Variants in LMNTD1 observed in about 807,000 individuals in gnomAD.
LMNTD1 encodes lamin tail domain-containing protein 1.
LMNTD1 carries 35 observed loss-of-function variants against 50.9 expected under a neutral mutation model. The observed-to-expected ratio is 0.69, with a 90% CI of 0.53 to 0.91. The LOEUF (loss-of-function observed/expected upper bound fraction) is 0.91, where lower values mean the gene tolerates loss of function less well. Ranked by LOEUF, LMNTD1 falls within the 40% of genes least tolerant of loss-of-function variation. The probability of loss-of-function intolerance (pLI) is 0.00; values close to 1 mark genes in which losing one functional copy is unlikely to be tolerated. For synonymous variants in LMNTD1, 153 were observed against 161.9 expected (o/e 0.94, Z 0.42); for missense variants, 470 against 475.5 (o/e 0.99, Z 0.11).
At chr12:25,539,864 T>C (rs1299133594) in intron 4 of LMNTD1, among the ~76,000 whole-genome samples, 6 of 150,172 alleles carry the variant, frequency 4.0e-5, no homozygotes, top group Admixed American at 3.3e-4. Context: ...AAGAATCAAA[T>C]AGACGCAATA....
At chr12:25,595,187 C>G (rs1259906166) in intron 1 of LMNTD1, among the ~76,000 whole-genome samples, 1 of 152,016 alleles carries the variant, frequency 6.6e-6, no homozygotes, top group African/African-American at 2.4e-5. Flanking sequence ...AGAAAGTCAA[C>G]AAAGAAACAA....
rs149191306 is a variant in LMNTD1, at chr12:25,572,656, G to A, written c.59-26102C>T. ...AAATACCATGTGACATGAAGTAGAG[G>A]CAGTAAGACAATGGAAAATTAGAGG... is the stretch of plus-strand genomic sequence containing the variant. On this transcript the variant is annotated intron_variant, in intron 1 of 7. Transcript: ENST00000445693. Among the ~76,000 whole-genome samples, 326 of 152,174 alleles carry A rather than the reference G, an allele frequency of 2.1e-3. 1 individual carries two copies. Among genetic ancestry groups the A allele is most frequent in the African/African-American group, 7.5e-3 (313 of 41,518 alleles).
chr12:25,625,607 A>G (rs1165888552), intron 1 of LMNTD1, among the ~76,000 whole-genome samples: 1 of 152,124 alleles, frequency 6.6e-6, no homozygotes, highest in East Asian at 1.9e-4. Flanking sequence ...AAGTGCCTTC[A>G]GGTCCTGTGT....
At chr12:25,645,513 C>A (rs1252051728) in intron 1 of LMNTD1, among the ~76,000 whole-genome samples, 1 of 152,226 alleles carries the variant, frequency 6.6e-6, no homozygotes, top group East Asian at 1.9e-4. Flanking sequence ...ATCAAAGTAA[C>A]TGCTGAGCCC....
chr12:25,556,219 T>A (rs1944037638), upstream of LMNTD1, among the ~76,000 whole-genome samples: 1 of 152,150 alleles, frequency 6.6e-6, no homozygotes, highest in South Asian at 2.1e-4. Context: ...GTGATTTGCC[T>A]GCCTCGGCTT....
At chr12:25,609,660 A>T (rs967972564) in intron 1 of LMNTD1, among the ~76,000 whole-genome samples, 26 of 152,186 alleles carry the variant, frequency 1.7e-4, no homozygotes, top group Non-Finnish European at 3.4e-4. Flanking sequence ...GAGGCTGCAG[A>T]ATAGCAAATA....
chr12:25,531,163 T>G (rs1414479244), intron 4 of LMNTD1, among the ~76,000 whole-genome samples: 1 of 152,176 alleles, frequency 6.6e-6, no homozygotes, highest in Non-Finnish European at 1.5e-5. Flanking sequence ...GCAGATTTAT[T>G]TCAGTGTCCA....
intron 3 of LMNTD1, among the ~76,000 whole-genome samples, chr12:25,546,915 A>G (rs1943470225): frequency 6.6e-6 from 1 of 151,714 alleles, no homozygotes. Context: ...TGTTACATAT[A>G]AATATAGCCT....
Position 25,527,819 on chromosome 12 carries a change from C to G in LMNTD1, c.492-864G>C, listed in dbSNP as rs146494629. On this transcript the variant is annotated intron_variant, in intron 4 of 9. Transcript: ENST00000458174. ...ATATAGTTCTCCACAATTTCTTATC[C>G]ACAGTTCCAAAATCCAAAAAGCTCT... Among the ~76,000 whole-genome samples the G allele has an allele frequency of 6.4e-3, 955 of 149,558 alleles. 3 individuals carry two copies. Among genetic ancestry groups the G allele is most frequent in the South Asian group, 7.8e-3 (37 of 4,730 alleles).
At chr12:25,521,435 A>C (rs1199162090) in intron 6 of LMNTD1, among the ~76,000 whole-genome samples, 1 of 152,160 alleles carries the variant, frequency 6.6e-6, no homozygotes, top group Non-Finnish European at 1.5e-5. Context: ...TAAAAACTGA[A>C]CTATATAATG....
At position 25,586,815 on chromosome 12, in the gene LMNTD1, A is replaced by G. The variant is rs578259344; in HGVS notation, c.59-40261T>C. 9.2e-5 allele frequency among the ~76,000 whole-genome samples: 14 copies of G among 152,320 alleles called. No individual in the cohort carries two copies. In the East Asian group the frequency reaches 2.7e-3, roughly 29 times the overall value. On this transcript the variant is annotated intron_variant, in intron 1 of 7. Coordinates refer to the LMNTD1 transcript ENST00000445693. ...AGTTACTGTCAGTCAAGCCAATCCTAACACTTAGTGTATAGCTGATGACCT... is the reference window on the plus strand; with the variant it reads ...AGTTACTGTCAGTCAAGCCAATCCTGACACTTAGTGTATAGCTGATGACCT...
In LMNTD1 at chr12:25,598,096, C is replaced by A. The variant is rs116074372; in HGVS notation, c.58+50398G>T. Among the ~76,000 whole-genome samples, 1,238 of 152,160 alleles carry A rather than the reference C, an allele frequency of 8.1e-3. 5 individuals carry two copies. Among genetic ancestry groups the A allele is most frequent in the African/African-American group, 0.028 (1,165 of 41,520 alleles). ...CATGTAAGACAACCCATTGCCATTCCTTCGTCTTCTGCTATGATTGTGAGG... is the reference window on the plus strand; with the variant it reads ...CATGTAAGACAACCCATTGCCATTCATTCGTCTTCTGCTATGATTGTGAGG... On this transcript the variant is annotated intron_variant, in intron 1 of 7. Transcript: ENST00000445693.
chr12:25,516,195 C>T (rs562365629), intron 8 of LMNTD1, among the ~76,000 whole-genome samples: 1 of 152,020 alleles, frequency 6.6e-6, no homozygotes, highest in Non-Finnish European at 1.5e-5. Context: ...TCGTACAATT[C>T]TGATGTATAT....
chr12:25,553,083 A>G lies in LMNTD1; in HGVS notation c.-45T>C, dbSNP rs201381678. 55 of 1,613,590 alleles carry G rather than the reference A, an allele frequency of 3.4e-5. No individual in the cohort carries two copies. In the African/African-American group the frequency reaches 6.8e-4, roughly 20 times the overall value. ...AGTGACCTCACCTGTTAATCCAACTACCTTCAAGCATCAGCTAGGTTTAAT... is the reference window on the plus strand; with the variant it reads ...AGTGACCTCACCTGTTAATCCAACTGCCTTCAAGCATCAGCTAGGTTTAAT... On this transcript the variant is annotated 5_prime_UTR_variant, in exon 1 of 10. Coordinates refer to ENST00000458174, the MANE Select transcript of LMNTD1 (RefSeq NM_001145728.2).
At chr12:25,639,381 C>G (rs1477890809) in intron 1 of LMNTD1, among the ~76,000 whole-genome samples, 2 of 152,074 alleles carry the variant, frequency 1.3e-5, no homozygotes. Flanking sequence ...GAAGAGACAA[C>G]TCACAGAATT....
rs796287984 is a variant in LMNTD1, at chr12:25,510,136, A to AT, written c.1190-6337dup. On this transcript the variant is annotated intron_variant, in intron 8 of 9. Coordinates refer to ENST00000458174, the MANE Select transcript of LMNTD1 (RefSeq NM_001145728.2). ...TTTGTTCATGTTTTGATTGTTTCCAATTTTTTTTTACTTCTCTCTATAGCT... is the reference window on the plus strand; with the variant it reads ...TTTGTTCATGTTTTGATTGTTTCCAATTTTTTTTTTACTTCTCTCTATAGCT... Among the ~76,000 whole-genome samples the AT allele has an allele frequency of 5.4e-3, 808 of 151,002 alleles. 7 individuals carry two copies. Among genetic ancestry groups the AT allele is most frequent in the African/African-American group, 0.016 (651 of 41,250 alleles).
At chr12:25,521,450 T>C (rs1232528048) in intron 6 of LMNTD1, among the ~76,000 whole-genome samples, 3 of 152,284 alleles carry the variant, frequency 2.0e-5, no homozygotes, top group Non-Finnish European at 4.4e-5. Flanking sequence ...ATAATGCCAT[T>C]TACCTGTGTG....
At chr12:25,598,422 C>T (rs951807204) in intron 1 of LMNTD1, among the ~76,000 whole-genome samples, 3 of 151,814 alleles carry the variant, frequency 2.0e-5, no homozygotes, top group Admixed American at 1.3e-4. Context: ...TTTCAAATAA[C>T]TAGTCCAATG....
chr12:25,572,602 A>G (rs1944841368), intron 1 of LMNTD1, among the ~76,000 whole-genome samples: 1 of 152,196 alleles, frequency 6.6e-6, no homozygotes, highest in African/African-American at 2.4e-5. Flanking sequence ...GAAGGAATGA[A>G]AAAGGGAGAG....
Sources: allele counts gnomAD v4.1 joint callset (sites outside exome capture counted in the v4.1 genomes callset), GRCh38; gene constraint gnomAD v4.1.1; transcripts MANE v1.5; gene names NCBI Gene and HGNC (gene_info 2026-07-23, HGNC 2026-07-21).